Variants in DHX40 observed in about 807,000 individuals in gnomAD.
DHX40 encodes the protein probable ATP-dependent RNA helicase DHX40.
A neutral mutation model predicts 89.6 loss-of-function variants in DHX40; 28 were observed. The ratio of observed to expected loss-of-function variants is 0.31; its 90% CI spans 0.23 to 0.43. The LOEUF is 0.43. DHX40 is among the 20% of genes least tolerant of loss of function. DHX40 has a pLI of 1.00. For missense variants in DHX40, 457 were observed against 844.0 expected (o/e 0.54, Z 5.68); for synonymous variants, 226 against 283.6 (o/e 0.80, Z 2.04).
chr17:59,594,317 T>G (rs1471878231), intron 12 of DHX40, among the ~76,000 whole-genome samples: 1 of 152,150 alleles, frequency 6.6e-6, no homozygotes, highest in Non-Finnish European at 1.5e-5. Context: ...TCCATAGTCT[T>G]GATCCAAATA....
chr17:59,570,186 A>T (rs1412010604), intron 2 of DHX40, among the ~76,000 whole-genome samples: 2 of 123,056 alleles, frequency 1.6e-5, no homozygotes, highest in East Asian at 2.0e-4. Flanking sequence ...TAATATATAT[A>T]ATATATAATA....
chr17:59,566,199 T>C (rs930348780), intron 1 of DHX40, among the ~76,000 whole-genome samples: 1 of 152,120 alleles, frequency 6.6e-6, no homozygotes. Flanking sequence ...TATCAGTCGC[T>C]CTGAACAGGG....
At chr17:59,591,759 A>G (rs1193023721) in intron 12 of DHX40, among the ~76,000 whole-genome samples, 4 of 151,854 alleles carry the variant, frequency 2.6e-5, no homozygotes, top group African/African-American at 9.7e-5. Context: ...GAATCATTTA[A>G]GAATAAATTG....
chr17:59,600,853 A>ATT (rs59684239), intron 14 of DHX40, among the ~76,000 whole-genome samples: 19,298 of 130,642 alleles, frequency 0.15, 1,492 homozygotes, highest in Middle Eastern at 0.22. Flanking sequence ...TCTCAAAAAA[A>ATT]TTTTTTTTTT....
At position 59,607,371 on chromosome 17, in the gene DHX40, G is replaced by A; in HGVS notation, c.*199G>A. On this transcript the variant is annotated 3_prime_UTR_variant, in exon 18 of 18. Transcript: ENST00000251241. ...CAGTTGTCAAAGAAAAGATTTGGTTGCCATAGTCATAAGCAATGATACATG... is the reference window on the plus strand; with the variant it reads ...CAGTTGTCAAAGAAAAGATTTGGTTACCATAGTCATAAGCAATGATACATG... 9.8e-7 allele frequency: 1 copy of A among 1,015,960 alleles called. No homozygotes were observed. Among genetic ancestry groups the A allele is most frequent in the Non-Finnish European group, 1.5e-6 (1 of 681,506 alleles). The allele number at this position is 1,015,960 out of a possible 1,614,324, so 62.9% of individuals were successfully genotyped here.
chr17:59,586,363 A>G (rs973151364), intron 11 of DHX40, 130 bp downstream of exon 11: 1 of 904,364 alleles, frequency 1.1e-6, no homozygotes, highest in Non-Finnish European at 1.7e-6. Flanking sequence ...CTTTCATCAC[A>G]ATTCTGATTG....
chr17:59,566,225 T>A (rs993857632), intron 1 of DHX40, among the ~76,000 whole-genome samples: 1 of 152,152 alleles, frequency 6.6e-6, no homozygotes, highest in African/African-American at 2.4e-5. Flanking sequence ...ACTTGAACCA[T>A]GAATCAGAAG....
At chr17:59,595,328 C>T (rs1357017145) in intron 12 of DHX40, among the ~76,000 whole-genome samples, 2 of 152,144 alleles carry the variant, frequency 1.3e-5, no homozygotes, top group Non-Finnish European at 2.9e-5. Context: ...GGTGATCCTC[C>T]TGCCTCGGCC....
chr17:59,591,344 T>G (rs1367900006), intron 12 of DHX40, among the ~76,000 whole-genome samples: 1 of 150,484 alleles, frequency 6.6e-6, no homozygotes, highest in Non-Finnish European at 1.5e-5. Flanking sequence ...CAAGCTAAAA[T>G]ATTTCAAAAC....
At position 59,567,403 on chromosome 17, in the gene DHX40, A is replaced by G. The variant is rs536219539; in HGVS notation, c.280+609A>G. On this transcript the variant is annotated intron_variant, in intron 2 of 17. Transcript: ENST00000251241. ...AATCAGGAGAAAGAGATAATAGCCAAATCCCCAAACAGACCAGTTTTAGGA... is the reference window on the plus strand; with the variant it reads ...AATCAGGAGAAAGAGATAATAGCCAGATCCCCAAACAGACCAGTTTTAGGA... Among the ~76,000 whole-genome samples the G allele has an allele frequency of 4.6e-5, 7 of 152,340 alleles. No homozygotes were observed. In the South Asian group the frequency reaches 8.3e-4, roughly 18 times the overall value.
chr17:59,605,048 T>G, intron 15 of DHX40, 67 bp from the exon 16 acceptor site: 1 of 1,308,982 alleles, frequency 7.6e-7, no homozygotes, highest in Non-Finnish European at 1.1e-6. Context: ...CATTGCTGAA[T>G]GTAATGCTCC....
chr17:59,569,722 T>G (rs1403151979), intron 2 of DHX40, among the ~76,000 whole-genome samples: 1 of 139,840 alleles, frequency 7.2e-6, no homozygotes, highest in Non-Finnish European at 1.5e-5. Flanking sequence ...TATATATATA[T>G]ATAGATATAT....
intron 3 of DHX40, among the ~76,000 whole-genome samples, chr17:59,572,786 G>A (rs568960382): frequency 1.3e-5 from 2 of 152,314 alleles, no homozygotes; most frequent in South Asian, 2.1e-4. Context: ...GAGTCAGAAA[G>A]ATAAATCTCA....
At chr17:59,572,774 C>T (rs2048829198) in intron 3 of DHX40, among the ~76,000 whole-genome samples, 1 of 152,208 alleles carries the variant, frequency 6.6e-6, no homozygotes, top group Non-Finnish European at 1.5e-5. Context: ...AAAATAGGGG[C>T]TGAGTCAGAA....
rs1176368373 is a variant in DHX40, at chr17:59,599,884, C to T, written c.1806+401C>T. On this transcript the variant is annotated intron_variant, in intron 14 of 17. Transcript: ENST00000251241. ...TGTCACCCAGGCTGAAGTGCAGTGG[C>T]GTGATCTCGGCTCACTGCAATCTCC... Among the ~76,000 whole-genome samples, 9 of 148,128 alleles carry T rather than the reference C, an allele frequency of 6.1e-5. No individual in the cohort carries two copies. In the East Asian group the frequency reaches 7.9e-4, roughly 13 times the overall value.
chr17:59,573,686 T>C, intron 4 of DHX40, 54 bp from the exon 5 acceptor site: 2 of 1,561,848 alleles, frequency 1.3e-6, no homozygotes, highest in Non-Finnish European at 1.8e-6. Flanking sequence ...GTATCTAAAA[T>C]AGTTTGGCTG....
chr17:59,577,178 G>A (rs766930158), intron 7 of DHX40, 88 bp from the exon 8 acceptor site: 11 of 1,127,900 alleles, frequency 9.8e-6, no homozygotes, highest in Non-Finnish European at 1.4e-5. Context: ...CTAGAAACAT[G>A]ACTTGTAATG....
chr17:59,586,861 A>G (rs982622276), intron 11 of DHX40, among the ~76,000 whole-genome samples: 60 of 152,094 alleles, frequency 3.9e-4, no homozygotes, highest in African/African-American at 1.4e-3. Flanking sequence ...ATTAATAATT[A>G]TTATTCTCTT....
rs1174842092 is a variant in DHX40 at position 59,590,033 on chromosome 17, G to A, written c.1582+1980G>A. Among the ~76,000 whole-genome samples, 2 of 151,798 alleles carry A rather than the reference G, an allele frequency of 1.3e-5. 1 individual carries two copies. The highest frequency in any genetic ancestry group is 4.8e-5 in the African/African-American group (2 of 41,278). ...GCCCGGCGTTAATTTCCTTTCATTAGTAAAGGAAGATAGTGCTTTTATAGT... is the reference window on the plus strand; with the variant it reads ...GCCCGGCGTTAATTTCCTTTCATTAATAAAGGAAGATAGTGCTTTTATAGT... On this transcript the variant is annotated intron_variant, in intron 12 of 17. Coordinates refer to ENST00000251241, the MANE Select transcript of DHX40 (RefSeq NM_024612.5).
Sources: allele counts gnomAD v4.1 joint callset (sites outside exome capture counted in the v4.1 genomes callset), GRCh38; gene constraint gnomAD v4.1.1; transcripts MANE v1.5; gene names NCBI Gene and HGNC (gene_info 2026-07-23, HGNC 2026-07-21).